The following INSL6 variants were observed in gnomAD, a reference collection of about 807,000 sequenced individuals.
INSL6 encodes the protein insulin-like peptide INSL6.
A neutral mutation model predicts 9.4 loss-of-function variants in INSL6; 16 were observed. The ratio of observed to expected loss-of-function variants is 1.70; its 90% CI spans 1.15 to 2.59. The LOEUF is 2.59. Among genes scored for constraint, INSL6 ranks in the 30% most tolerant of loss-of-function variants. The pLI is 0.00. For synonymous variants in INSL6, 154 were observed against 96.9 expected (o/e 1.59, Z -3.46); for missense variants, 391 against 257.3 (o/e 1.52, Z -3.56).
chr9:5,115,903 G>C, the INSL6 span, among the ~76,000 whole-genome samples: 6 of 152,284 alleles, frequency 3.9e-5, no homozygotes, highest in Non-Finnish European at 8.8e-5. Context: ...ACCAGGGCCT[G>C]TTGTTGGGTG....
At chr9:5,056,280 T>C in the INSL6 span, among the ~76,000 whole-genome samples, 1 of 152,118 alleles carries the variant, frequency 6.6e-6, no homozygotes, top group Non-Finnish European at 1.5e-5. Context: ...TTTCTCTTTT[T>C]TTAAATAGCT....
the INSL6 span, among the ~76,000 whole-genome samples, chr9:5,084,066 C>T: frequency 3.3e-5 from 5 of 152,052 alleles, no homozygotes; most frequent in Non-Finnish European, 7.4e-5. Context: ...TGCTTTTTAA[C>T]ATTTTTAGTG....
At chr9:5,024,959 A>C in the INSL6 span, among the ~76,000 whole-genome samples, 1 of 152,186 alleles carries the variant, frequency 6.6e-6, no homozygotes, top group Non-Finnish European at 1.5e-5. Flanking sequence ...GGGGGAGTGG[A>C]GCCGGGGCTG....
chr9:5,054,462 C>T, the INSL6 span: 1 of 974,796 alleles, frequency 1.0e-6, no homozygotes, highest in Admixed American at 2.4e-5. This position sits in a 1 kb window ranked among gnomAD's most constrained non-coding sequence, Gnocchi z 4.9. Flanking sequence ...GTAAGGCCTA[C>T]TTAATCATGG....
At chr9:5,145,300 C>T (rs370586548) in intron 2 of INSL6, among the ~76,000 whole-genome samples, 66 of 152,168 alleles carry the variant, frequency 4.3e-4, no homozygotes, top group East Asian at 9.6e-4. Context: ...TCTCTTCTGG[C>T]TTGGAGGGTT....
the INSL6 span, among the ~76,000 whole-genome samples, chr9:5,101,869 G>A: frequency 6.6e-6 from 1 of 152,044 alleles, no homozygotes; most frequent in East Asian, 1.9e-4. Context: ...CAACAAAAAG[G>A]GCATCCACAC....
chr9:5,096,733 G>A, the INSL6 span: 2 of 152,052 alleles, frequency 1.3e-5, no homozygotes, highest in African/African-American at 4.8e-5. Context: ...CTGCTGTTCG[G>A]CGCATGAGTG....
chr9:5,173,002 G>A (rs950315891), intron 1 of INSL6, among the ~76,000 whole-genome samples: 1 of 151,542 alleles, frequency 6.6e-6, no homozygotes, highest in African/African-American at 2.4e-5. Flanking sequence ...GCAGCCAACA[G>A]ACATTTGAAA....
At chr9:5,160,232 A>G (rs117062472), downstream of INSL6, among the ~76,000 whole-genome samples, 246 of 152,124 alleles carry the variant, frequency 1.6e-3, 3 homozygotes, top group East Asian at 0.022. Flanking sequence ...ACATTCCAAA[A>G]AATTGAAATA....
the INSL6 span, among the ~76,000 whole-genome samples, chr9:5,081,277 T>A: frequency 6.6e-6 from 1 of 151,850 alleles, no homozygotes; most frequent in Non-Finnish European, 1.5e-5. Context: ...TTTGCTTAAA[T>A]TGACTTTTAA....
chr9:5,023,453 G>A, the INSL6 span, among the ~76,000 whole-genome samples: 7 of 152,098 alleles, frequency 4.6e-5, no homozygotes, highest in Admixed American at 4.6e-4. Flanking sequence ...GTGGGACCCA[G>A]TGTGAACTTC....
At chr9:5,117,069 G>A in the INSL6 span, among the ~76,000 whole-genome samples, 1 of 152,182 alleles carries the variant, frequency 6.6e-6, no homozygotes, top group Non-Finnish European at 1.5e-5. Context: ...TTTCATCCAT[G>A]TGAGGACACG....
the INSL6 span, chr9:5,114,758 G>A: frequency 5.4e-5 from 18 of 331,746 alleles, no homozygotes; most frequent in Admixed American, 2.4e-4. Flanking sequence ...ATGAGACAGC[G>A]ACTGGCTCAC....
chr9:5,044,622 A>C, the INSL6 span: 48 of 690,604 alleles, frequency 7.0e-5, no homozygotes, highest in African/African-American at 7.9e-4. Flanking sequence ...GGAAAATTGC[A>C]GTTCTGTCTT....
At chr9:5,116,947 G>A in the INSL6 span, among the ~76,000 whole-genome samples, 10 of 152,212 alleles carry the variant, frequency 6.6e-5, no homozygotes, top group African/African-American at 2.4e-4. Context: ...ATTTATGTAA[G>A]ATAACTAAGA....
the INSL6 span, among the ~76,000 whole-genome samples, chr9:5,033,403 C>G: frequency 1.3e-5 from 2 of 152,154 alleles, no homozygotes; most frequent in African/African-American, 4.8e-5. Flanking sequence ...CACAAAGATA[C>G]TCCTTGAGAA....
intron 3 of INSL6, among the ~76,000 whole-genome samples, chr9:5,125,792 T>A (rs1225466566): frequency 6.6e-6 from 1 of 151,578 alleles, no homozygotes; most frequent in African/African-American, 2.4e-5. Context: ...ATATGTGAAT[T>A]ATCTCTTCTG....
the INSL6 span, chr9:5,112,574 G>T: frequency 1.5e-6 from 1 of 668,360 alleles, no homozygotes; most frequent in East Asian, 2.9e-5. Context: ...GAGCGGCTGC[G>T]GGTCCCTTAA....
At chr9:5,020,786 G>A in the INSL6 span, among the ~76,000 whole-genome samples, 7 of 152,114 alleles carry the variant, frequency 4.6e-5, no homozygotes, top group Non-Finnish European at 7.3e-5. Context: ...TCCCAGAGGC[G>A]GCAGCCAGCA....
Sources: allele counts gnomAD v4.1 joint callset (sites outside exome capture counted in the v4.1 genomes callset), GRCh38; gene constraint gnomAD v4.1.1; non-coding constraint Gnocchi (gnomAD v3.1); transcripts MANE v1.5; gene names NCBI Gene and HGNC (gene_info 2026-07-23, HGNC 2026-07-21).